Variants in UBTD1 observed in about 807,000 individuals in gnomAD.
The protein encoded by UBTD1 is ubiquitin domain-containing protein 1.
Under a neutral mutation model 21.7 loss-of-function variants are expected in UBTD1, and 19 were observed. The observed-to-expected ratio is 0.87, with a 90% CI of 0.61 to 1.28. The LOEUF is 1.28. Among genes scored for constraint, UBTD1 ranks in the 50% most tolerant of loss-of-function variants. UBTD1 has a pLI of 0.00. For synonymous variants in UBTD1, 116 were observed against 135.1 expected, an observed-to-expected ratio of 0.86 and a Z score of 0.98; for missense variants, 282 against 315.1, an observed-to-expected ratio of 0.89 and a Z score of 0.80.
chr10:97,533,005 A>T (rs552690461), intron 1 of UBTD1, among the ~76,000 whole-genome samples: 50 of 152,156 alleles, frequency 3.3e-4, no homozygotes, highest in Non-Finnish European at 6.5e-4. Context: ...AGTGCTTTGC[A>T]TCCACTTTCC....
At chr10:97,547,003 G>C (rs748580487) in intron 1 of UBTD1, among the ~76,000 whole-genome samples, 1 of 152,122 alleles carries the variant, frequency 6.6e-6, no homozygotes, top group Non-Finnish European at 1.5e-5. Context: ...TGGTTTCCTT[G>C]TCTGTAAAAT....
Position 97,564,408 on chromosome 10 carries a change from C to T in UBTD1, c.71-3506C>T, listed in dbSNP as rs370931637. On this transcript the variant is annotated intron_variant, in intron 1 of 2. Transcript: ENST00000370664. ...CATTTTCTTTACAGAATCCCGTTCC[C>T]TTTCCAGGTCTTTTTCTGATCCTGA... Among the ~76,000 whole-genome samples the T allele has an allele frequency of 4.6e-5, 7 of 152,302 alleles. No homozygotes were observed. The South Asian group carries it at 1.4e-3, about 32-fold the overall frequency.
At chr10:97,569,302 G>C (rs2040733428) in intron 2 of UBTD1, among the ~76,000 whole-genome samples, 1 of 152,238 alleles carries the variant, frequency 6.6e-6, no homozygotes, top group Admixed American at 6.5e-5. Context: ...GTGCTCAAGA[G>C]ACAATAAACA....
At chr10:97,549,397 G>A (rs1415554751) in intron 1 of UBTD1, among the ~76,000 whole-genome samples, 2 of 152,174 alleles carry the variant, frequency 1.3e-5, no homozygotes, top group African/African-American at 4.8e-5. Flanking sequence ...CCCCTCTCCA[G>A]CTCCTCCTTC....
At chr10:97,568,951 G>A (rs941696069) in intron 2 of UBTD1, among the ~76,000 whole-genome samples, 1 of 152,120 alleles carries the variant, frequency 6.6e-6, no homozygotes, top group Non-Finnish European at 1.5e-5. Context: ...AGCCTCCTGA[G>A]TAGCTGGGAT....
At chr10:97,558,655 T>A (rs75845054) in intron 1 of UBTD1, among the ~76,000 whole-genome samples, 1 of 152,002 alleles carries the variant, frequency 6.6e-6, no homozygotes, top group Non-Finnish European at 1.5e-5. Flanking sequence ...TTTTTTTTTT[T>A]AACTCATGAA....
At chr10:97,505,225 A>G (rs2040393418) in intron 1 of UBTD1, among the ~76,000 whole-genome samples, 1 of 152,224 alleles carries the variant, frequency 6.6e-6, no homozygotes, top group African/African-American at 2.4e-5. Flanking sequence ...AAAGATTTCT[A>G]TAACCTCTTT....
intron 1 of UBTD1, among the ~76,000 whole-genome samples, chr10:97,536,762 A>G (rs75000727): frequency 2.0e-5 from 3 of 152,126 alleles, no homozygotes; most frequent in East Asian, 3.9e-4. Flanking sequence ...CAGGATCACA[A>G]TGTCATTCCT....
At chr10:97,527,345 C>T (rs925864674) in intron 1 of UBTD1, among the ~76,000 whole-genome samples, 1 of 151,812 alleles carries the variant, frequency 6.6e-6, no homozygotes, top group African/African-American at 2.4e-5. Flanking sequence ...GAGTGCCTAT[C>T]CTTCCTTGGC....
intron 1 of UBTD1, among the ~76,000 whole-genome samples, chr10:97,548,736 C>A (rs2040622427): frequency 6.6e-6 from 1 of 152,186 alleles, no homozygotes; most frequent in Middle Eastern, 3.2e-3. Flanking sequence ...GAGATTGCGT[C>A]ACTGTACTCT....
At chr10:97,509,480 C>G (rs982405932) in intron 1 of UBTD1, among the ~76,000 whole-genome samples, 5 of 152,204 alleles carry the variant, frequency 3.3e-5, no homozygotes, top group African/African-American at 1.2e-4. Context: ...CAACGCAAAG[C>G]TCATTGTTCC....
chr10:97,528,897 G>T (rs1390659944), intron 1 of UBTD1, among the ~76,000 whole-genome samples: 1 of 147,248 alleles, frequency 6.8e-6, no homozygotes, highest in Non-Finnish European at 1.5e-5. Context: ...CGGGTGGGGG[G>T]CTGACCCCCC....
At chr10:97,545,637 C>T (rs2040607369) in intron 1 of UBTD1, among the ~76,000 whole-genome samples, 1 of 152,182 alleles carries the variant, frequency 6.6e-6, no homozygotes, top group Non-Finnish European at 1.5e-5. Flanking sequence ...CACTCCCTGC[C>T]TCCTAGAAGA....
rs186225377 is a variant in UBTD1 at position 97,535,964 on chromosome 10, G to A, written c.71-31950G>A. Among the ~76,000 whole-genome samples the A allele has an allele frequency of 6.7e-3, 373 of 55,274 alleles. 2 individuals carry two copies. Among genetic ancestry groups the A allele is most frequent in the African/African-American group, 0.02 (341 of 16,644 alleles). The allele number at this position is 55,274 out of a possible 152,430, so 36.3% of individuals were successfully genotyped here. On this transcript the variant is annotated intron_variant, in intron 1 of 2. Coordinates refer to ENST00000370664, the MANE Select transcript of UBTD1 (RefSeq NM_024954.5). ...AATGTATCACCTACATGTAGTTGGAGAGAAATTATTATTATTATTATTATT... is the reference window on the plus strand; with the variant it reads ...AATGTATCACCTACATGTAGTTGGAAAGAAATTATTATTATTATTATTATT...
Position 97,570,411 on chromosome 10 carries a change from G to A in UBTD1, c.572G>A (p.Trp191Ter). 3.7e-6 allele frequency: 6 copies of A among 1,613,408 alleles called. No homozygotes were observed. Among genetic ancestry groups the A allele is most frequent in the Non-Finnish European group, 5.1e-6 (6 of 1,180,006 alleles). Residue 191 changes from tryptophan to a stop codon, truncating the protein, a stop_gained, in exon 3 of 3, where the codon TGG (tryptophan) becomes TAG (stop). Coordinates refer to ENST00000370664, the MANE Select transcript of UBTD1 (RefSeq NM_024954.5). LOFTEE classifies it high-confidence loss of function. This position sits in a 1 kb window ranked among gnomAD's most constrained non-coding sequence, Gnocchi z 6.6. ...QEGIEPSWQR[W>*]FFSGKLLTDR... Reference sequence around the variant, plus strand: ...GGCATCGAGCCATCGTGGCAGCGGTGGTTCTTCTCCGGGAAGCTGCTCACA... The same window carrying A: ...GGCATCGAGCCATCGTGGCAGCGGTAGTTCTTCTCCGGGAAGCTGCTCACA...
intron 2 of UBTD1, among the ~76,000 whole-genome samples, chr10:97,568,703 GGTT>G (rs2040730418): frequency 1.3e-5 from 2 of 152,034 alleles, no homozygotes; most frequent in Admixed American, 1.3e-4. Flanking sequence ...CCTTTTATTG[GGTT>G]GTTATGTGCT....
intron 1 of UBTD1, among the ~76,000 whole-genome samples, chr10:97,505,223 C>T (rs1020661452): frequency 8.5e-5 from 13 of 152,166 alleles, no homozygotes; most frequent in African/African-American, 2.4e-4. Flanking sequence ...CTAAAGATTT[C>T]TATAACCTCT....
At chr10:97,519,510 G>T (rs577401217) in intron 1 of UBTD1, among the ~76,000 whole-genome samples, 3 of 152,244 alleles carry the variant, frequency 2.0e-5, no homozygotes, top group African/African-American at 4.8e-5. Flanking sequence ...TCTGCTCTTT[G>T]TGGTAAACCT....
At chr10:97,508,133 TA>T (rs2040406940) in intron 1 of UBTD1, among the ~76,000 whole-genome samples, 1 of 152,212 alleles carries the variant, frequency 6.6e-6, no homozygotes, top group Admixed American at 6.5e-5. Flanking sequence ...TGGATTCTGT[TA>T]TCACCTTTTC....
Sources: gnomAD v4.1 joint callset for allele counts (sites outside exome capture counted in the v4.1 genomes callset) on GRCh38, gnomAD v4.1.1 for gene constraint, Gnocchi (gnomAD v3.1) non-coding constraint, MANE v1.5 for transcripts, NCBI Gene and HGNC (gene_info 2026-07-23, HGNC 2026-07-21) for gene names.